MOK: variants seen among roughly 807,000 people sequenced by gnomAD.
The protein encoded by MOK is MOK protein kinase, also known as MAPK/MAK/MRK overlapping kinase.
Under a neutral mutation model 54.2 loss-of-function variants are expected in MOK, and 59 were observed. The ratio of observed to expected loss-of-function variants is 1.09; its 90% CI spans 0.88 to 1.35. MOK has a LOEUF of 1.35. MOK is among the 40% of genes most tolerant of loss of function. The pLI is 0.00. For synonymous variants in MOK, 210 were observed against 202.7 expected (o/e 1.04, Z -0.31); for missense variants, 517 against 526.2 (o/e 0.98, Z 0.17).
intron 1 of MOK, among the ~76,000 whole-genome samples, chr14:102,296,123 G>A (rs2071389841): frequency 6.6e-6 from 1 of 151,960 alleles, no homozygotes; most frequent in Admixed American, 6.6e-5. Context: ...GTGCCTGCCT[G>A]TAATCTCAGC....
At chr14:102,216,298 G>T in the MOK span, among the ~76,000 whole-genome samples, 1 of 152,182 alleles carries the variant, frequency 6.6e-6, no homozygotes, top group Admixed American at 6.5e-5. Context: ...TCTGTTCTTA[G>T]CACTGAACAG....
intron 2 of MOK, among the ~76,000 whole-genome samples, chr14:102,266,518 G>A (rs1294283619): frequency 6.6e-6 from 1 of 152,010 alleles, no homozygotes; most frequent in African/African-American, 2.4e-5. Context: ...CCAAAGTACT[G>A]TGATTACAAG....
At chr14:102,215,754 C>A in the MOK span, among the ~76,000 whole-genome samples, 3 of 152,158 alleles carry the variant, frequency 2.0e-5, no homozygotes, top group Non-Finnish European at 2.9e-5. Context: ...AGACACCAGG[C>A]CCGTCGTCGG....
Position 102,283,508 on chromosome 14 carries a change from G to A in MOK, c.92C>T (p.Ala31Val), listed in dbSNP as rs141044352. 1.2e-6 allele frequency: 2 copies of A among 1,613,270 alleles called. No homozygotes were observed. The highest frequency in any genetic ancestry group is 8.5e-7 in the Non-Finnish European group (1 of 1,179,620). The part of the protein sequence containing the change: ...MQSLRDGNYY[A>V]CKQMKQRFES... ...AAAGCGCTGCTTCATTTGTTTACAT[G>A]CATAGTAGTTTCCATCTCTCAGGCT... is the stretch of plus-strand genomic sequence containing the variant. Residue 31 changes from alanine (A) to valine (V), a missense_variant, in exon 2 of 12, where the codon GCA becomes GTA. Ala to Val is a moderately conservative substitution (Grantham distance 64). Coordinates refer to ENST00000361847, the MANE Select transcript of MOK (RefSeq NM_014226.3).
intron 7 of MOK, among the ~76,000 whole-genome samples, chr14:102,248,952 A>G (rs1377021752): frequency 6.6e-6 from 1 of 151,986 alleles, no homozygotes; most frequent in African/African-American, 2.4e-5. Flanking sequence ...CTGACCCTAC[A>G]GTCAGGACAT....
chr14:102,268,831 C>T (rs981868340), intron 2 of MOK, among the ~76,000 whole-genome samples: 1 of 151,210 alleles, frequency 6.6e-6, no homozygotes, highest in African/African-American at 2.4e-5. Flanking sequence ...AGGAGAATGG[C>T]GTAAACCTGG....
At chr14:102,225,972 A>G, downstream of MOK, 1 of 320,554 alleles carries the variant, frequency 3.1e-6, no homozygotes, top group South Asian at 4.1e-5. Context: ...TTAGGCCCAG[A>G]AGAAGCCAGG....
At chr14:102,282,940 A>G (rs2069608146) in intron 2 of MOK, among the ~76,000 whole-genome samples, 1 of 151,044 alleles carries the variant, frequency 6.6e-6, no homozygotes, top group Non-Finnish European at 1.5e-5. Context: ...CTGCAGTTGC[A>G]GCTACTAGGA....
rs201726667 is a variant in MOK at position 102,249,268 on chromosome 14, A to T, written c.590+1544T>A. ...GTGACTAATTCACAGTAACCGTGATAAATAACCCCACAGTGAGCCTCCCAT... is the reference window on the plus strand; with the variant it reads ...GTGACTAATTCACAGTAACCGTGATTAATAACCCCACAGTGAGCCTCCCAT... On this transcript the variant is annotated intron_variant, in intron 7 of 11. Coordinates refer to ENST00000361847, the MANE Select transcript of MOK (RefSeq NM_014226.3). The surrounding 1 kb of genome is among the most constrained non-coding windows in gnomAD (Gnocchi z 5.3). Among the ~76,000 whole-genome samples, 5 of 152,360 alleles carry T rather than the reference A, an allele frequency of 3.3e-5. No individual in the cohort carries two copies. In the East Asian group the frequency reaches 9.6e-4, roughly 29 times the overall value.
At chr14:102,255,592 G>A (rs1253219399) in intron 4 of MOK, among the ~76,000 whole-genome samples, 2 of 152,112 alleles carry the variant, frequency 1.3e-5, no homozygotes, top group Non-Finnish European at 2.9e-5. Flanking sequence ...GAGCAACAGT[G>A]TGGGCCCAGT....
intron 4 of MOK, among the ~76,000 whole-genome samples, chr14:102,253,810 C>T (rs761097887): frequency 1.3e-5 from 2 of 152,190 alleles, no homozygotes; most frequent in Non-Finnish European, 2.9e-5. Flanking sequence ...ACCATGTTCA[C>T]CTAACAGTTT....
chr14:102,251,947 T>A lies in MOK; in HGVS notation c.332A>T (p.Gln111Leu). 6.2e-7 allele frequency: 1 copy of A among 1,607,424 alleles called. No individual in the cohort carries two copies. The highest frequency in any genetic ancestry group is 2.2e-5 in the East Asian group (1 of 44,790). ...AATATGATCCAGGGACTTACATAAC[T>A]GGTACATATAGTGCATAATTTTTTT... ...SEKKIMHYMY[Q>L]LCKSLDHIHR... Residue 111 changes from glutamine to leucine, a missense_variant, in exon 5 of 12, where the codon CAG becomes CTG. Coordinates refer to ENST00000361847, the MANE Select transcript of MOK (RefSeq NM_014226.3).
In MOK at chr14:102,236,793, G is replaced by C. The variant is rs76918593; in HGVS notation, c.591-3004C>G. Among the ~76,000 whole-genome samples the C allele has an allele frequency of 0.042, 6,402 of 151,964 alleles. 152 individuals are homozygous for C. Among genetic ancestry groups the C allele is most frequent in the Middle Eastern group, 0.065 (19 of 294 alleles). ...CCTATCTCCCTAACCCACCAAAAAG[G>C]CTTACAGCCCATCACAAACAAGCTC... On this transcript the variant is annotated intron_variant, in intron 7 of 11. Coordinates refer to ENST00000361847, the MANE Select transcript of MOK (RefSeq NM_014226.3). This position sits in a 1 kb window ranked among gnomAD's most constrained non-coding sequence, Gnocchi z 4.5.
At chr14:102,272,264 G>A (rs559347411) in intron 2 of MOK, among the ~76,000 whole-genome samples, 3 of 152,220 alleles carry the variant, frequency 2.0e-5, no homozygotes, top group South Asian at 4.1e-4. Context: ...CAAGTCTGGC[G>A]AATTGCCTGA....
At chr14:102,260,897 G>A (rs1267033909) in intron 4 of MOK, among the ~76,000 whole-genome samples, 4 of 151,448 alleles carry the variant, frequency 2.6e-5, no homozygotes, top group South Asian at 2.1e-4. Flanking sequence ...CGAGAAAGGC[G>A]GATCACGAGG....
chr14:102,305,083 T>C lies in MOK; in HGVS notation c.-115A>G. On this transcript the variant is annotated 5_prime_UTR_variant, in exon 1 of 12. Coordinates refer to ENST00000361847, the MANE Select transcript of MOK (RefSeq NM_014226.3). ...TGAGGCGGGGTCCCGCACTAGGATC[T>C]CCGTGGTGGTCCCTCGAAGGAGAGC... is the stretch of plus-strand genomic sequence containing the variant. 1 of 1,218,048 alleles carries C rather than the reference T, an allele frequency of 8.2e-7. No individual in the cohort carries two copies. Among genetic ancestry groups the C allele is most frequent in the Non-Finnish European group, 1.2e-6 (1 of 843,250 alleles). 75.5% of individuals were successfully genotyped at this position (1,218,048 alleles called of 1,614,324 possible). A position where few individuals can be genotyped will look rare whatever the true frequency, so the allele number is the denominator to read the frequency against.
chr14:102,280,976 G>A (rs1239043817), intron 2 of MOK, among the ~76,000 whole-genome samples: 1 of 152,108 alleles, frequency 6.6e-6, no homozygotes, highest in Admixed American at 6.6e-5. Flanking sequence ...GGATCGCTTT[G>A]AGCTCAGGAG....
chr14:102,258,234 A>T (rs909886951), intron 4 of MOK, among the ~76,000 whole-genome samples: 12 of 152,048 alleles, frequency 7.9e-5, no homozygotes, highest in African/African-American at 2.9e-4. Context: ...GAGTAACGAA[A>T]ATTCTTACCC....
chr14:102,279,859 T>C (rs759439632), intron 2 of MOK, among the ~76,000 whole-genome samples: 5 of 151,926 alleles, frequency 3.3e-5, no homozygotes. Flanking sequence ...TTAACTAAGA[T>C]TACTGCAAAA....
Sources: gnomAD v4.1 joint callset for allele counts (sites outside exome capture counted in the v4.1 genomes callset) on GRCh38, gnomAD v4.1.1 for gene constraint, Gnocchi (gnomAD v3.1) non-coding constraint, MANE v1.5 for transcripts, NCBI Gene and HGNC (gene_info 2026-07-23, HGNC 2026-07-21) for gene names.